Variants in GSE1 observed in about 807,000 individuals in gnomAD.
GSE1 encodes Gse1 coiled-coil protein.
GSE1 carries 32 observed loss-of-function variants against 112.6 expected under a neutral mutation model. The observed-to-expected ratio is 0.28, with a 90% CI of 0.21 to 0.38. GSE1 has a LOEUF of 0.38. Ranked by LOEUF, GSE1 falls within the 10% of genes least tolerant of loss-of-function variation. The probability of loss-of-function intolerance (pLI) is 1.00; values close to 1 mark genes in which losing one functional copy is unlikely to be tolerated. For synonymous variants in GSE1, 1,115 were observed against 735.6 expected (o/e 1.52, Z -8.35); for missense variants, 2,348 against 1,699.2 (o/e 1.38, Z -6.71).
chr16:85,634,555 C>T, intron 2 of GSE1, among the ~76,000 whole-genome samples: 1 of 152,194 alleles, frequency 6.6e-6, no homozygotes, highest in African/African-American at 2.4e-5. Context: ...TGGCAGAGAA[C>T]ATGGTGTCCC....
At chr16:85,484,519 G>GAGT in intron 2 of GSE1, among the ~76,000 whole-genome samples, 1 of 152,380 alleles carries the variant, frequency 6.6e-6, no homozygotes, top group Non-Finnish European at 1.5e-5. Context: ...GCCCTTGAGT[G>GAGT]ACGAAGCCAG....
At chr16:85,331,527 G>GTATATA (rs2046358012) in intron 1 of GSE1, among the ~76,000 whole-genome samples, 9 of 96,826 alleles carry the variant, frequency 9.3e-5, no homozygotes, top group Admixed American at 1.0e-4. Flanking sequence ...GTGTATATAT[G>GTATATA]TGTATATGTG....
intron 11 of GSE1, 68 bp downstream of exon 11, chr16:85,663,682 T>G (rs1598674966): frequency 6.8e-7 from 1 of 1,467,708 alleles, no homozygotes; most frequent in Non-Finnish European, 9.3e-7. Flanking sequence ...AAGCAGCAGG[T>G]GGGGCCGGTG....
At chr16:85,273,469 A>G (rs1316584716) in intron 1 of GSE1, among the ~76,000 whole-genome samples, 1 of 152,200 alleles carries the variant, frequency 6.6e-6, no homozygotes, top group African/African-American at 2.4e-5. Flanking sequence ...AATATTACTC[A>G]GCCATAAAAA....
At position 85,228,958 on chromosome 16, in the gene GSE1, A is replaced by G. The variant is rs1274272533; in HGVS notation, c.2283+57151A>G. ...CCTTGCAGCCTGTTCTGAGCTGGGC[A>G]GGACCTGGGCATCCCAGGAGGGAAC... On this transcript the variant is annotated intron_variant, in intron 1 of 2. Transcript: ENST00000637419. Among the ~76,000 whole-genome samples, 3 of 152,234 alleles carry G rather than the reference A, an allele frequency of 2.0e-5. No homozygotes were observed. The East Asian group carries it at 5.8e-4, about 29-fold the overall frequency.
intron 1 of GSE1, among the ~76,000 whole-genome samples, chr16:85,327,151 AG>A (rs2046243132): frequency 6.6e-6 from 1 of 152,208 alleles, no homozygotes; most frequent in Admixed American, 6.5e-5. Flanking sequence ...ACATGGTGGC[AG>A]GGTCCCAAGA....
intron 1 of GSE1, among the ~76,000 whole-genome samples, chr16:85,316,403 TC>T (rs1322814939): frequency 6.6e-6 from 1 of 152,190 alleles, no homozygotes; most frequent in Admixed American, 6.5e-5. Context: ...TTTCGAGGGC[TC>T]CCTAGCCACG....
chr16:85,636,925 C>T lies in GSE1; in HGVS notation c.226+2793C>T, dbSNP rs77217556. 2.2e-3 allele frequency among the ~76,000 whole-genome samples: 336 copies of T among 150,046 alleles called. 1 individual carries two copies. Among genetic ancestry groups the T allele is most frequent in the African/African-American group, 7.8e-3 (321 of 41,366 alleles). On this transcript the variant is annotated intron_variant, in intron 2 of 15. Transcript: ENST00000253458. ...TGGACCCCCCAGCTCCCCTGTGCTACCCCCCCAGCTCCCTGGTGCTACCTC... is the reference window on the plus strand; with the variant it reads ...TGGACCCCCCAGCTCCCCTGTGCTATCCCCCCAGCTCCCTGGTGCTACCTC...
intron 1 of GSE1, among the ~76,000 whole-genome samples, chr16:85,564,650 G>T (rs2045661620): frequency 6.6e-6 from 1 of 152,204 alleles, no homozygotes; most frequent in Non-Finnish European, 1.5e-5. Flanking sequence ...CCCTCTAGGG[G>T]TGGGGCTCTG....
rs1907147800 is a variant in GSE1, at chr16:85,256,959, C to G, written c.2283+85152C>G. Among the ~76,000 whole-genome samples, 7 of 152,162 alleles carry G rather than the reference C, an allele frequency of 4.6e-5. No homozygotes were observed. The South Asian group carries it at 1.5e-3, about 32-fold the overall frequency. On this transcript the variant is annotated intron_variant, in intron 1 of 2. Transcript: ENST00000637419. ...TTGAGCAACACAGATCTAGAAGGTT[C>G]TTTCTGTCACGATACTTTGTATTGG... is the stretch of plus-strand genomic sequence containing the variant.
chr16:85,198,770 A>C (rs1351255349), intron 1 of GSE1, among the ~76,000 whole-genome samples: 1 of 151,866 alleles, frequency 6.6e-6, no homozygotes, highest in Non-Finnish European at 1.5e-5. Context: ...TATGAGCTAG[A>C]GTGTGGGGTT....
Position 85,663,333 on chromosome 16 carries a change from T to C in GSE1, c.2374-11T>C, listed in dbSNP as rs2052584627. On this transcript the variant is annotated splice_polypyrimidine_tract_variant and intron_variant, in intron 10 of 15. Transcript: ENST00000253458. ...TGGCTTCAAACTCATTTGTTTTCTT[T>C]CCCAATCTAGAAGCTAGAGTTTTTG... is the stretch of plus-strand genomic sequence containing the variant. The C allele has an allele frequency of 6.2e-7, 1 of 1,613,236 alleles. No homozygotes were observed. The highest frequency in any genetic ancestry group is 1.3e-5 in the African/African-American group (1 of 74,982).
At chr16:85,527,444 A>C (rs1410939303) in intron 2 of GSE1, among the ~76,000 whole-genome samples, 1 of 152,264 alleles carries the variant, frequency 6.6e-6, no homozygotes, top group Non-Finnish European at 1.5e-5. Flanking sequence ...GCAGGGGTTG[A>C]GGACAAAGGC....
At position 85,269,378 on chromosome 16, in the gene GSE1, G is replaced by A. The variant is rs186577288; in HGVS notation, c.2284-88085G>A. Among the ~76,000 whole-genome samples, 95 of 149,602 alleles carry A rather than the reference G, an allele frequency of 6.4e-4. 9 individuals are homozygous for A. The highest frequency in any genetic ancestry group is 4.1e-4 in the African/African-American group (17 of 41,418). On this transcript the variant is annotated intron_variant, in intron 1 of 2. Coordinates refer to the GSE1 transcript ENST00000637419. ...GTAATTGACTTGTAACATACAGACC[G>A]TGGCAGGCTGTCATCTGCGTCAGCG...
At chr16:85,266,838 C>T (rs1908297042) in intron 1 of GSE1, among the ~76,000 whole-genome samples, 1 of 152,136 alleles carries the variant, frequency 6.6e-6, no homozygotes, top group Admixed American at 6.5e-5. Flanking sequence ...AGGCTGAGGA[C>T]TGGAGCCACA....
At chr16:85,567,871 C>T (rs967611537) in intron 1 of GSE1, among the ~76,000 whole-genome samples, 1 of 152,066 alleles carries the variant, frequency 6.6e-6, no homozygotes, top group African/African-American at 2.4e-5. Flanking sequence ...CACACGTATG[C>T]ACCACCACAC....
chr16:85,257,080 T>A (rs1018627523), intron 1 of GSE1, among the ~76,000 whole-genome samples: 2 of 152,178 alleles, frequency 1.3e-5, no homozygotes, highest in Non-Finnish European at 2.9e-5. Flanking sequence ...GGATTATACT[T>A]GCTGTATTTG....
At position 85,513,719 on chromosome 16, in the gene GSE1, C is replaced by T. The variant is rs2051823550; in HGVS notation, c.2465-120195C>T. Among the ~76,000 whole-genome samples the T allele has an allele frequency of 3.9e-5, 6 of 152,166 alleles. 1 individual carries two copies. In the South Asian group the frequency reaches 1.2e-3, roughly 32 times the overall value. On this transcript the variant is annotated intron_variant, in intron 2 of 2. Transcript: ENST00000637419. ...TGGGCCCTGTACCTCCTGCCTGGTG[C>T]AAGGCCCCTGGGCCACTCCTTCCCT...
At chr16:85,648,508 T>C (rs1256824376) in intron 2 of GSE1, 44 bp from the exon 3 acceptor site, 2 of 1,047,792 alleles carry the variant, frequency 1.9e-6, no homozygotes, top group South Asian at 3.2e-5. Context: ...TGCACGTGGC[T>C]GTCACTGCGG....
Sources: allele counts gnomAD v4.1 joint callset (sites outside exome capture counted in the v4.1 genomes callset), GRCh38; gene constraint gnomAD v4.1.1; transcripts MANE v1.5; gene names NCBI Gene and HGNC (gene_info 2026-07-23, HGNC 2026-07-21).